KIF18A: variants seen among roughly 807,000 people sequenced by gnomAD.
KIF18A encodes the protein kinesin-like protein KIF18A.
In KIF18A, 67 loss-of-function variants were observed where a neutral mutation model predicts 103.3. That is an observed-to-expected ratio of 0.65 (90% CI 0.53 to 0.79). The LOEUF is 0.79. KIF18A is among the 30% of genes least tolerant of loss of function. KIF18A has a pLI of 0.00. For missense variants in KIF18A, 1,032 were observed against 1,062.5 expected, an observed-to-expected ratio of 0.97 and a Z score of 0.40; for synonymous variants, 367 against 355.5, an observed-to-expected ratio of 1.03 and a Z score of -0.36.
chr11:28,071,506 ATTT>A (rs1451574126), intron 10 of KIF18A, among the ~76,000 whole-genome samples: 1 of 149,066 alleles, frequency 6.7e-6, no homozygotes, highest in African/African-American at 2.4e-5. Flanking sequence ...TATTAATATA[ATTT>A]TTATTATTTA....
chr11:28,064,577 T>G (rs1420223678), intron 11 of KIF18A, among the ~76,000 whole-genome samples: 1 of 152,098 alleles, frequency 6.6e-6, no homozygotes, highest in African/African-American at 2.4e-5. Flanking sequence ...GTTGTGCTCA[T>G]GTACCCTAAA....
intron 5 of KIF18A, among the ~76,000 whole-genome samples, chr11:28,089,412 T>C (rs927284965): frequency 5.9e-5 from 9 of 152,084 alleles, no homozygotes; most frequent in Non-Finnish European, 1.2e-4. Context: ...AAAATAACAA[T>C]AAAAAGTAAA....
chr11:28,062,300 A>G, intron 12 of KIF18A, 95 bp downstream of exon 12: 1 of 1,090,680 alleles, frequency 9.2e-7, no homozygotes, highest in Non-Finnish European at 1.3e-6. Context: ...GTATCCTGTA[A>G]CACATAAAAC....
intron 1 of KIF18A, among the ~76,000 whole-genome samples, chr11:28,101,236 T>C (rs1241016736): frequency 1.3e-5 from 2 of 152,156 alleles, no homozygotes; most frequent in Non-Finnish European, 2.9e-5. Context: ...CCCATATTCC[T>C]TGTGATAACA....
At chr11:28,096,173 C>CAAAAAAAAAAAAAAA (rs1156735166) in intron 2 of KIF18A, among the ~76,000 whole-genome samples, 9 of 49,692 alleles carry the variant, frequency 1.8e-4, no homozygotes, top group African/African-American at 5.4e-4. Context: ...AAGACTTCAT[C>CAAAAAAAAAAAAAAA]AAAAAAAAAA....
At chr11:28,031,988 A>G (rs1022553720) in intron 15 of KIF18A, among the ~76,000 whole-genome samples, 1 of 151,910 alleles carries the variant, frequency 6.6e-6, no homozygotes, top group African/African-American at 2.4e-5. Flanking sequence ...ATATTTGGAA[A>G]AACGTAGAGT....
chr11:28,035,325 T>C, intron 15 of KIF18A, 62 bp downstream of exon 15: 1 of 779,708 alleles, frequency 1.3e-6, no homozygotes, highest in East Asian at 2.9e-5. Context: ...AGCAATAGCA[T>C]ATAATATATA....
intron 6 of KIF18A, among the ~76,000 whole-genome samples, chr11:28,087,567 T>C (rs1249227310): frequency 1.3e-5 from 2 of 152,186 alleles, no homozygotes; most frequent in Admixed American, 6.5e-5. Context: ...TGTGTCTTTC[T>C]AGTAATGATT....
chr11:28,091,551 A>C lies in KIF18A; in HGVS notation c.484-38T>G, dbSNP rs1054674822. ...AGAACTGCTTTAGCATTGATGTAAAAAAAAAAAATGGTGATTACATCACAC... is the reference window on the plus strand; with the variant it reads ...AGAACTGCTTTAGCATTGATGTAAACAAAAAAAATGGTGATTACATCACAC... On this transcript the variant is annotated intron_variant, in intron 3 of 16. Transcript: ENST00000263181. 8.1e-6 allele frequency: 9 copies of C among 1,109,144 alleles called. No homozygotes were observed. The African/African-American group carries it at 1.4e-4, about 18-fold the overall frequency. The allele number at this position is 1,109,144 out of a possible 1,614,324, so 68.7% of individuals were successfully genotyped here. A position where few individuals can be genotyped will look rare whatever the true frequency, so the allele number is the denominator to read the frequency against.
chr11:28,081,764 T>C (rs1197965689), intron 9 of KIF18A, among the ~76,000 whole-genome samples: 2 of 152,176 alleles, frequency 1.3e-5, no homozygotes, highest in Non-Finnish European at 2.9e-5. Context: ...ATAGCTGCTA[T>C]AGATACTTTC....
intron 13 of KIF18A, among the ~76,000 whole-genome samples, chr11:28,052,118 T>C (rs894109473): frequency 6.6e-6 from 1 of 152,118 alleles, no homozygotes; most frequent in African/African-American, 2.4e-5. Flanking sequence ...CCAGCTCCAA[T>C]GCTATTATCC....
intron 16 of KIF18A, among the ~76,000 whole-genome samples, chr11:28,022,744 C>T (rs1359309290): frequency 6.6e-6 from 1 of 152,086 alleles, no homozygotes; most frequent in Non-Finnish European, 1.5e-5. Context: ...ACTTTACTAC[C>T]TTACTGTCTG....
chr11:28,105,468 G>A (rs913608947), intron 1 of KIF18A, among the ~76,000 whole-genome samples: 1 of 152,048 alleles, frequency 6.6e-6, no homozygotes, highest in Non-Finnish European at 1.5e-5. Flanking sequence ...CAATGTGATG[G>A]TCTCATATTC....
intron 13 of KIF18A, among the ~76,000 whole-genome samples, chr11:28,051,999 A>C (rs1850717424): frequency 6.6e-6 from 1 of 152,060 alleles, no homozygotes; most frequent in African/African-American, 2.4e-5. Flanking sequence ...AAGTTCCAAA[A>C]TTTTAGATTC....
chr11:28,100,653 T>C (rs1851433595), intron 1 of KIF18A, among the ~76,000 whole-genome samples: 1 of 152,032 alleles, frequency 6.6e-6, no homozygotes, highest in Non-Finnish European at 1.5e-5. Context: ...CAAAACCACT[T>C]AGCCATATAC....
intron 15 of KIF18A, among the ~76,000 whole-genome samples, chr11:28,026,805 C>G (rs1310047269): frequency 1.3e-5 from 2 of 151,718 alleles, no homozygotes; most frequent in African/African-American, 4.8e-5. Flanking sequence ...AATGACAAAA[C>G]TGACACTATG....
intron 13 of KIF18A, among the ~76,000 whole-genome samples, chr11:28,055,586 G>C (rs545771205): frequency 6.6e-6 from 1 of 152,246 alleles, no homozygotes; most frequent in South Asian, 2.1e-4. Flanking sequence ...CTATACTGTA[G>C]AGGGCAAATC....
chr11:28,065,707 C>T (rs1850911218), intron 11 of KIF18A, among the ~76,000 whole-genome samples: 1 of 151,954 alleles, frequency 6.6e-6, no homozygotes, highest in Admixed American at 6.6e-5. Context: ...AAAAGGCAAA[C>T]TAGTAAATTT....
chr11:28,028,741 C>G (rs1490182436), intron 15 of KIF18A, among the ~76,000 whole-genome samples: 2 of 151,932 alleles, frequency 1.3e-5, no homozygotes, highest in East Asian at 3.9e-4. Context: ...AATCCAGGAG[C>G]TGGTTTTTTG....
Sources: gnomAD v4.1 joint callset for allele counts (sites outside exome capture counted in the v4.1 genomes callset) on GRCh38, gnomAD v4.1.1 for gene constraint, MANE v1.5 for transcripts, NCBI Gene and HGNC (gene_info 2026-07-23, HGNC 2026-07-21) for gene names.